The following TMEM255A variants were observed in gnomAD, a reference collection of about 807,000 sequenced individuals.
The protein encoded by TMEM255A is transmembrane protein 255A, also known as family with sequence similarity 70, member A.
In TMEM255A, 14 loss-of-function variants were observed where a neutral mutation model predicts 23.5. That is an observed-to-expected ratio of 0.60 (90% CI 0.39 to 0.93). TMEM255A has a LOEUF of 0.93. Among genes scored for constraint, TMEM255A ranks in the 40% least tolerant of loss-of-function variants. The probability of loss-of-function intolerance (pLI) is 0.00; values close to 1 mark genes in which losing one functional copy is unlikely to be tolerated. For missense variants in TMEM255A, 233 were observed against 261.7 expected (o/e 0.89, Z 0.76); for synonymous variants, 104 against 100.3 (o/e 1.04, Z -0.22).
In TMEM255A at chrX:120,285,194, G is replaced by A. The variant is rs782368326; in HGVS notation, c.445C>T (p.Arg149Cys). The change falls in exon 6 of 9, where the codon CGT (arginine) becomes TGT (cysteine). Residue 149 changes from arginine to cysteine, a missense_variant. Coordinates refer to ENST00000371369, the MANE Select transcript of TMEM255A (RefSeq NM_001104544.3). The stretch of plus-strand genomic sequence containing the variant: ...CGGATGCGAGGTGTGCAGAATTCAC[G>A]GCTGAGGTGAGGGCAGTTAACCTGA... ...AEEVNCPHLS[R>C]EFCTPRIRGN... 2.5e-6 allele frequency: 3 copies of A among 1,210,787 alleles called. No individual in the cohort carries two copies. The highest frequency in any genetic ancestry group is 1.8e-5 in the South Asian group (1 of 56,973).
chrX:120,262,084 G>A (rs1213746961), intron 8 of TMEM255A, among the ~76,000 whole-genome samples: 4 of 111,704 alleles, frequency 3.6e-5, no homozygotes, highest in African/African-American at 1.3e-4. Flanking sequence ...GAGGTCAGGA[G>A]TTTGAGACCA....
chrX:120,283,625 C>T (rs185688393), intron 6 of TMEM255A, among the ~76,000 whole-genome samples: 285 of 111,609 alleles, frequency 2.6e-3, no homozygotes, highest in African/African-American at 8.9e-3. Context: ...GAACATTGGT[C>T]GACATACCCT....
intron 5 of TMEM255A, among the ~76,000 whole-genome samples, chrX:120,286,374 T>C (rs373536183): frequency 8.9e-6 from 1 of 112,228 alleles, no homozygotes; most frequent in Non-Finnish European, 1.9e-5. Flanking sequence ...GTGAGGTTAA[T>C]AGAGTACAAA....
At chrX:120,298,126 A>G (rs941511538) in intron 2 of TMEM255A, among the ~76,000 whole-genome samples, 2 of 111,461 alleles carry the variant, frequency 1.8e-5, no homozygotes, top group Non-Finnish European at 3.8e-5. Context: ...ACAGATGATT[A>G]GATATCAAAG....
downstream of TMEM255A, chrX:120,254,900 C>T (rs781900955): frequency 2.5e-6 from 3 of 1,211,859 alleles, no homozygotes. Flanking sequence ...TCTATTATAT[C>T]TGTATTGTAT....
chrX:120,296,883 ATTATATATG>A (rs1401405533), intron 2 of TMEM255A, among the ~76,000 whole-genome samples: 7 of 6,992 alleles, frequency 1.0e-3, no homozygotes, highest in African/African-American at 6.0e-3. Flanking sequence ...TATCATATAT[ATTATATATG>A]ATATATATAA....
Position 120,304,409 on chromosome X carries a change from G to T in TMEM255A, c.141C>A (p.Gly47=). Residue 47 remains glycine (G), a synonymous_variant, in exon 2 of 9, where the codon GGC becomes GGA. Coordinates refer to ENST00000371369, the MANE Select transcript of TMEM255A (RefSeq NM_001104544.3). ...LIVSVLILTV[G]LAATTRTQNV... is the part of the protein sequence containing the mutation. The stretch of plus-strand genomic sequence containing the variant: ...TCTGGGTCCTGGTGGTTGCAGCAAG[G>T]CCCACTGTGAGAATTAACACGGACA... 8.3e-7 allele frequency: 1 copy of T among 1,210,201 alleles called. No homozygotes were observed. The highest frequency in any genetic ancestry group is 1.1e-6 in the Non-Finnish European group (1 of 894,324).
chrX:120,290,595 G>A (rs1432909164), intron 4 of TMEM255A, among the ~76,000 whole-genome samples: 1 of 112,114 alleles, frequency 8.9e-6, no homozygotes, highest in Non-Finnish European at 1.9e-5. Flanking sequence ...GTCAAGTTAG[G>A]GTGGTAGAAT....
At chrX:120,306,378 T>C (rs1368518787) in intron 1 of TMEM255A, among the ~76,000 whole-genome samples, 1 of 111,957 alleles carries the variant, frequency 8.9e-6, no homozygotes, top group Non-Finnish European at 1.9e-5. Context: ...TGAGGGACCC[T>C]AAATTAGTCT....
chrX:120,268,274 G>A lies in TMEM255A; in HGVS notation c.789C>T (p.His263=), dbSNP rs1486135005. The change falls in exon 8 of 9, where the codon CAC becomes CAT. Residue 263 remains histidine (H), a synonymous_variant. Coordinates refer to ENST00000371369, the MANE Select transcript of TMEM255A (RefSeq NM_001104544.3). ...SYNTYYHSPP[H]LPPYSAYDFQ... The stretch of plus-strand genomic sequence containing the variant: ...AGTCATAAGCAGAATATGGTGGCAG[G>A]TGAGGAGGGCTATGGTAGTAGGTAT... 1.7e-6 allele frequency: 2 copies of A among 1,208,060 alleles called. No homozygotes were observed. Among genetic ancestry groups the A allele is most frequent in the Admixed American group, 2.2e-5 (1 of 45,550 alleles).
rs782056640 is a variant in TMEM255A at position 120,311,381 on chromosome X, G to T, written c.-72C>A. The T allele has an allele frequency of 7.6e-6, 7 of 916,736 alleles. No homozygotes were observed. Among genetic ancestry groups the T allele is most frequent in the Non-Finnish European group, 9.3e-6 (6 of 645,353 alleles). 75.5% of individuals were successfully genotyped at this position (916,736 alleles called of 1,213,427 possible). A position where few individuals can be genotyped will look rare whatever the true frequency, so the allele number is the denominator to read the frequency against. On this transcript the variant is annotated 5_prime_UTR_variant, in exon 1 of 9. Coordinates refer to ENST00000371369, the MANE Select transcript of TMEM255A (RefSeq NM_001104544.3). Reference sequence around the variant, plus strand: ...CCCCCGGCTCTGGGCGCCCCGCAGAGCATCCTACTCCGCGGTTGCCTCTCT... The same window carrying T: ...CCCCCGGCTCTGGGCGCCCCGCAGATCATCCTACTCCGCGGTTGCCTCTCT...
At chrX:120,273,205 T>C in intron 7 of TMEM255A, 1 of 202,833 alleles carries the variant, frequency 4.9e-6, no homozygotes. Context: ...TAAACAAATT[T>C]GCAAGGAATA....
In TMEM255A at chrX:120,259,125, C is replaced by T. The variant is rs916535529; in HGVS notation, c.*1745G>A. Reference sequence around the variant, plus strand: ...CCTTAAAAAATTAAATATGGACATTCACTAAAGCCAACGGTCAAATGTAAA... The same window carrying T: ...CCTTAAAAAATTAAATATGGACATTTACTAAAGCCAACGGTCAAATGTAAA... On this transcript the variant is annotated 3_prime_UTR_variant, in exon 9 of 9. Coordinates refer to ENST00000371369, the MANE Select transcript of TMEM255A (RefSeq NM_001104544.3). The T allele has an allele frequency of 5.3e-5, 6 of 112,374 alleles. No homozygotes were observed. The highest frequency in any genetic ancestry group is 9.4e-5 in the Non-Finnish European group (5 of 53,159). The allele number at this position is 112,374 out of a possible 1,213,427, so 9.3% of individuals were successfully genotyped here. A position where few individuals can be genotyped will look rare whatever the true frequency, so the allele number is the denominator to read the frequency against.
downstream of TMEM255A, chrX:120,255,035 T>C (rs1556015144): frequency 8.3e-7 from 1 of 1,212,052 alleles, no homozygotes. Context: ...GCACAAAGCA[T>C]GAAATTCATC....
intron 4 of TMEM255A, among the ~76,000 whole-genome samples, chrX:120,289,809 G>A (rs1292422155): frequency 1.8e-5 from 2 of 112,121 alleles, no homozygotes; most frequent in Non-Finnish European, 3.8e-5. Flanking sequence ...CAAAGAAAAT[G>A]TGGTATACCC....
intron 2 of TMEM255A, among the ~76,000 whole-genome samples, chrX:120,300,365 T>A (rs2058024755): frequency 9.0e-6 from 1 of 110,729 alleles, no homozygotes; most frequent in Non-Finnish European, 1.9e-5. Flanking sequence ...TGTTTGTTGG[T>A]GTTCGGTTTT....
At chrX:120,255,756 T>C, downstream of TMEM255A, 1 of 218,139 alleles carries the variant, frequency 4.6e-6, no homozygotes, top group Non-Finnish European at 8.7e-6. Flanking sequence ...ACTGGAGTTA[T>C]TAGCATACCC....
chrX:120,303,222 G>C (rs1326322178), intron 2 of TMEM255A, among the ~76,000 whole-genome samples: 2 of 111,399 alleles, frequency 1.8e-5, no homozygotes, highest in African/African-American at 6.5e-5. Flanking sequence ...GAATACGGCT[G>C]TTTCCTATTT....
In TMEM255A at chrX:120,287,058, A is replaced by C. The variant is rs964065305; in HGVS notation, c.423+96T>G. On this transcript the variant is annotated intron_variant, in intron 5 of 8. Transcript: ENST00000371369. ...TCAGCTATACATACCTAGAAATAAA[A>C]CTTAGGCCCATGAAAAGGAGTAAAA... 59 of 742,275 alleles carry C rather than the reference A, an allele frequency of 7.9e-5. No individual in the cohort carries two copies. The African/African-American group carries it at 8.6e-4, about 11-fold the overall frequency. The allele number at this position is 742,275 out of a possible 1,213,427, so 61.2% of individuals were successfully genotyped here.
Sources: allele counts gnomAD v4.1 joint callset (sites outside exome capture counted in the v4.1 genomes callset), GRCh38; gene constraint gnomAD v4.1.1; transcripts MANE v1.5; gene names NCBI Gene and HGNC (gene_info 2026-07-23, HGNC 2026-07-21).